Variants in ICE1 observed in about 807,000 individuals in gnomAD.
ICE1 encodes interactor of little elongation complex ELL subunit 1.
A neutral mutation model predicts 192.7 loss-of-function variants in ICE1; 64 were observed. That is an observed-to-expected ratio of 0.33 (90% CI 0.27 to 0.41). ICE1 has a LOEUF of 0.41. Among genes scored for constraint, ICE1 ranks in the 10% least tolerant of loss-of-function variants. The pLI is 1.00. For synonymous variants in ICE1, 1,010 were observed against 984.5 expected (o/e 1.03, Z -0.49); for missense variants, 2,708 against 2,696.0 (o/e 1.00, Z -0.10).
Position 5,457,690 on chromosome 5 carries a change from C to T in ICE1, c.1050C>T (p.Pro350=). Residue 350 remains proline (P), a synonymous_variant, in exon 12 of 19, where the codon CCC becomes CCT. Transcript: ENST00000296564. ...CTCTTCTGTCACCAGTGCCCTCGCCCCCTCCGATGTCATCACCTCACCCGG... is the reference window on the plus strand; with the variant it reads ...CTCTTCTGTCACCAGTGCCCTCGCCTCCTCCGATGTCATCACCTCACCCGG... ...PPPLLSPVPS[P]PPMSSPHPGS... 3 of 1,613,844 alleles carry T rather than the reference C, an allele frequency of 1.9e-6. No individual in the cohort carries two copies. The highest frequency in any genetic ancestry group is 2.5e-6 in the Non-Finnish European group (3 of 1,179,820).
rs778212833 is a variant in ICE1, at chr5:5,444,279, T to G, written c.387-10T>G. 5 of 1,555,640 alleles carry G rather than the reference T, an allele frequency of 3.2e-6. No homozygotes were observed. In the South Asian group the frequency reaches 4.8e-5, roughly 15 times the overall value. On this transcript the variant is annotated splice_polypyrimidine_tract_variant and intron_variant, in intron 6 of 18. Transcript: ENST00000296564. ...TTCTTGCCATTTAACTTACACAATT[T>G]CGTTATTAGGAAGAAGAAACTAGAA...
Position 5,460,913 on chromosome 5 carries a change from A to G in ICE1, c.1579A>G (p.Lys527Glu). The G allele has an allele frequency of 1.2e-6, 2 of 1,614,030 alleles. No individual in the cohort carries two copies. The highest frequency in any genetic ancestry group is 2.2e-5 in the East Asian group (1 of 44,882). ...ACAAGAGAAGGAAGCTGCCCCTGGG[A>G]AGTCTGAGTTGTGTTCTTCTCCCCT... is the stretch of plus-strand genomic sequence containing the variant. ...PAQEKEAAPG[K>E]SELCSSPLGK... Residue 527 changes from lysine (K) to glutamate (E), a missense_variant, in exon 13 of 19, where the codon AAG becomes GAG. Lys to Glu is a moderately conservative substitution (Grantham distance 56). Transcript: ENST00000296564.
chr5:5,456,284 AT>A (rs1257662011), intron 11 of ICE1, among the ~76,000 whole-genome samples: 2 of 152,166 alleles, frequency 1.3e-5, no homozygotes, highest in Non-Finnish European at 2.9e-5. Flanking sequence ...TTGTGCAAAT[AT>A]TCTGTTTCTT....
At chr5:5,429,585 T>C (rs975168998) in intron 1 of ICE1, among the ~76,000 whole-genome samples, 2 of 152,256 alleles carry the variant, frequency 1.3e-5, no homozygotes, top group African/African-American at 2.4e-5. Flanking sequence ...TACTGATTTG[T>C]TTGAGCAGAC....
intron 6 of ICE1, among the ~76,000 whole-genome samples, chr5:5,443,680 A>G (rs1264793488): frequency 1.3e-5 from 2 of 152,288 alleles, no homozygotes; most frequent in South Asian, 2.1e-4. Context: ...TGGAATGGGT[A>G]TCTTTGCTAC....
intron 10 of ICE1, among the ~76,000 whole-genome samples, chr5:5,452,966 A>T (rs1274477186): frequency 6.6e-6 from 1 of 152,116 alleles, no homozygotes; most frequent in Non-Finnish European, 1.5e-5. Flanking sequence ...AACGCTGAAG[A>T]TGTTTTTCTG....
chr5:5,454,494 T>G, intron 10 of ICE1, 58 bp from the exon 11 acceptor site: 1 of 1,156,158 alleles, frequency 8.6e-7, no homozygotes. Flanking sequence ...AAGTATGTTC[T>G]GGCCTTGTGT....
At chr5:5,453,968 C>T (rs368272846) in intron 10 of ICE1, among the ~76,000 whole-genome samples, 6 of 152,232 alleles carry the variant, frequency 3.9e-5, no homozygotes, top group Admixed American at 6.5e-5. Flanking sequence ...GTGTGATGAT[C>T]GGTTCCTACC....
chr5:5,447,820 GT>G lies in ICE1; in HGVS notation c.548-15del. 2 of 1,573,184 alleles carry G rather than the reference GT, an allele frequency of 1.3e-6. No homozygotes were observed. The highest frequency in any genetic ancestry group is 2.3e-5 in the East Asian group (1 of 43,368). ...TTTGATATGTAGTATTTTATTAACCGTTTTTTCCCCATGCTTTTAGAGTTGA... is the reference window on the plus strand; with the variant it reads ...TTTGATATGTAGTATTTTATTAACCGTTTTTCCCCATGCTTTTAGAGTTGA... On this transcript the variant is annotated intron_variant, in intron 9 of 18. Transcript: ENST00000296564.
At chr5:5,445,133 A>G (rs1738172736) in intron 7 of ICE1, among the ~76,000 whole-genome samples, 1 of 152,212 alleles carries the variant, frequency 6.6e-6, no homozygotes, top group African/African-American at 2.4e-5. Context: ...GTTTATGTTC[A>G]TTTAGAGCGT....
intron 11 of ICE1, among the ~76,000 whole-genome samples, chr5:5,455,195 A>G (rs938489022): frequency 2.6e-5 from 4 of 152,184 alleles, no homozygotes; most frequent in Non-Finnish European, 5.9e-5. Context: ...CAGGTCATTG[A>G]GGTTCTAAAT....
In ICE1 at chr5:5,463,505, G is replaced by C; in HGVS notation, c.4171G>C (p.Glu1391Gln). 6.2e-7 allele frequency: 1 copy of C among 1,613,148 alleles called. No individual in the cohort carries two copies. Among genetic ancestry groups the C allele is most frequent in the Non-Finnish European group, 8.5e-7 (1 of 1,179,450 alleles). Residue 1391 changes from glutamate (E) to glutamine (Q), a missense_variant, in exon 13 of 19, where the codon GAA becomes CAA. Transcript: ENST00000296564. ...AGAGCAAAGTTCTAACTGCGAGGCC[G>C]AAACAACATTTCAGTGTCAGATAGC... Reference protein sequence around the residue: ...SIEQSSNCEAETTFQCQIATV... With the variant: ...SIEQSSNCEAQTTFQCQIATV...
In ICE1 at chr5:5,464,224, T is replaced by G; in HGVS notation, c.4890T>G (p.Pro1630=). ...TLSKIRQEVG[P]PLPPLLAPLI... ...GTAAAATACGGCAAGAGGTGGGGCC[T>G]CCTTTGCCGCCTCTGCTTGCTCCTC... Residue 1630 remains proline, a synonymous_variant, in exon 13 of 19, where the codon CCT becomes CCG. Transcript: ENST00000296564. The surrounding 1 kb of genome is among the most constrained non-coding windows in gnomAD (Gnocchi z 4.0). 1.9e-6 allele frequency: 3 copies of G among 1,613,508 alleles called. No individual in the cohort carries two copies. The highest frequency in any genetic ancestry group is 2.5e-6 in the Non-Finnish European group (3 of 1,179,822).
Position 5,436,406 on chromosome 5 carries a change from T to G in ICE1, c.85-12T>G. 6.9e-7 allele frequency: 1 copy of G among 1,455,390 alleles called. No individual in the cohort carries two copies. Among genetic ancestry groups the G allele is most frequent in the Non-Finnish European group, 9.1e-7 (1 of 1,096,350 alleles). The allele number at this position is 1,455,390 out of a possible 1,614,324, so 90.2% of individuals were successfully genotyped here. On this transcript the variant is annotated splice_polypyrimidine_tract_variant and intron_variant, in intron 1 of 18. Transcript: ENST00000296564. ...TTGATAAAAAAGCTGACTGTGGCTT[T>G]TTTTCTTTCAGAATTTGAATGAATA...
chr5:5,486,973 G>T (rs1739654158), intron 18 of ICE1, among the ~76,000 whole-genome samples, 154 bp downstream of exon 18: 1 of 152,162 alleles, frequency 6.6e-6, no homozygotes, highest in Admixed American at 6.5e-5. Flanking sequence ...ATTAATATTG[G>T]AATGTGTGTG....
At chr5:5,469,196 T>C (rs905194809) in intron 15 of ICE1, among the ~76,000 whole-genome samples, 3 of 152,208 alleles carry the variant, frequency 2.0e-5, no homozygotes, top group Admixed American at 1.3e-4. Flanking sequence ...GACCAAAGGA[T>C]TGTGTTAATT....
At chr5:5,435,660 T>G (rs111677148) in intron 1 of ICE1, among the ~76,000 whole-genome samples, 12 of 125,472 alleles carry the variant, frequency 9.6e-5, no homozygotes, top group South Asian at 2.8e-4. Flanking sequence ...AATTTGTGTT[T>G]TTTTTTTTTT....
intron 7 of ICE1, among the ~76,000 whole-genome samples, chr5:5,445,141 C>T (rs1199314039): frequency 2.0e-5 from 3 of 152,136 alleles, no homozygotes; most frequent in Non-Finnish European, 2.9e-5. Context: ...TCATTTAGAG[C>T]GTGAAGTTAG....
chr5:5,477,004 G>C (rs981631323), intron 17 of ICE1, among the ~76,000 whole-genome samples: 13 of 152,016 alleles, frequency 8.6e-5, no homozygotes, highest in Admixed American at 8.5e-4. Flanking sequence ...TTCCTTATTT[G>C]CTACAAATCG....
Sources: allele counts gnomAD v4.1 joint callset (sites outside exome capture counted in the v4.1 genomes callset), GRCh38; gene constraint gnomAD v4.1.1; non-coding constraint Gnocchi (gnomAD v3.1); transcripts MANE v1.5; gene names NCBI Gene and HGNC (gene_info 2026-07-23, HGNC 2026-07-21).